Variants in NREP observed in about 807,000 individuals in gnomAD.
The protein encoded by NREP is neuronal regeneration-related protein.
A neutral mutation model predicts 8.6 loss-of-function variants in NREP; 5 were observed. The ratio of observed to expected loss-of-function variants is 0.58; its 90% confidence interval spans 0.30 to 1.22. NREP has a LOEUF of 1.22. NREP is among the 50% of genes most tolerant of loss of function. The pLI is 0.07. For synonymous variants in NREP, 27 were observed against 28.0 expected, an observed-to-expected ratio of 0.96 and a Z score of 0.11; for missense variants, 86 against 82.5, an observed-to-expected ratio of 1.04 and a Z score of -0.17.
intron 2 of NREP, among the ~76,000 whole-genome samples, chr5:111,878,751 C>T (rs1253469811): frequency 1.3e-5 from 2 of 152,180 alleles, no homozygotes; most frequent in African/African-American, 4.8e-5. Context: ...CACCCCCCTG[C>T]CACTTGAGCA....
Position 111,916,730 on chromosome 5 carries a change from G to A in NREP, c.135+58544C>T, listed in dbSNP as rs539367621. On this transcript the variant is annotated intron_variant, in intron 2 of 3. Coordinates refer to the NREP transcript ENST00000395634. ...ATAGTAGTAGTACCTACTTCACAGG[G>A]TTGTTTAAGGATTAAATGAGTTACT... 3.3e-5 allele frequency among the ~76,000 whole-genome samples: 5 copies of A among 152,192 alleles called. No individual in the cohort carries two copies. The South Asian group carries it at 1.0e-3, about 32-fold the overall frequency.
intron 2 of NREP, among the ~76,000 whole-genome samples, chr5:111,952,350 T>A (rs1435616671): frequency 1.3e-5 from 2 of 152,188 alleles, no homozygotes; most frequent in Non-Finnish European, 2.9e-5. Flanking sequence ...AGGGTGATGT[T>A]CCCTGTCAAG....
intron 2 of NREP, among the ~76,000 whole-genome samples, chr5:111,897,764 C>G (rs1251278553): frequency 6.6e-6 from 1 of 152,008 alleles, no homozygotes; most frequent in Non-Finnish European, 1.5e-5. Flanking sequence ...CCAAATTTTT[C>G]ATTTTGTACT....
At chr5:111,773,055 A>G (rs1751273814) in intron 2 of NREP, among the ~76,000 whole-genome samples, 1 of 152,182 alleles carries the variant, frequency 6.6e-6, no homozygotes, top group Admixed American at 6.5e-5. Context: ...CATCATCTAT[A>G]TGTCTCTAGC....
chr5:111,901,595 A>T (rs1397654298), intron 2 of NREP, among the ~76,000 whole-genome samples: 3 of 152,148 alleles, frequency 2.0e-5, no homozygotes, highest in African/African-American at 2.4e-5. Flanking sequence ...TCTTAGAACT[A>T]GTCAACAAAT....
At chr5:111,742,439 T>G (rs1749741164) in intron 2 of NREP, among the ~76,000 whole-genome samples, 1 of 152,036 alleles carries the variant, frequency 6.6e-6, no homozygotes, top group South Asian at 2.1e-4. Context: ...AAAATGAAAG[T>G]GTTTACATGT....
intron 2 of NREP, among the ~76,000 whole-genome samples, chr5:111,855,238 C>T (rs576251771): frequency 6.6e-6 from 1 of 152,200 alleles, no homozygotes; most frequent in Non-Finnish European, 1.5e-5. Context: ...AACAGACTGC[C>T]TACCAACGCT....
At chr5:111,742,735 A>T (rs576277748) in intron 2 of NREP, among the ~76,000 whole-genome samples, 1 of 152,262 alleles carries the variant, frequency 6.6e-6, no homozygotes, top group Admixed American at 6.5e-5. Context: ...ATTCAAGCAT[A>T]GTGAACACGG....
chr5:111,900,974 A>G (rs1005439667), intron 2 of NREP, among the ~76,000 whole-genome samples: 1 of 152,206 alleles, frequency 6.6e-6, no homozygotes, highest in Non-Finnish European at 1.5e-5. Flanking sequence ...ACTGCATGCC[A>G]GTATTCCTGA....
At chr5:111,929,016 G>T (rs1179965774) in intron 2 of NREP, among the ~76,000 whole-genome samples, 1 of 152,020 alleles carries the variant, frequency 6.6e-6, no homozygotes, top group African/African-American at 2.4e-5. Context: ...AAATGTACTT[G>T]TTTTATATCT....
intron 2 of NREP, among the ~76,000 whole-genome samples, chr5:111,888,983 A>G (rs998986690): frequency 6.6e-6 from 1 of 152,244 alleles, no homozygotes. Context: ...AATGATGTCT[A>G]TGGTCTATGT....
intron 2 of NREP, chr5:111,939,920 T>A (rs76791647): frequency 1.3e-5 from 2 of 151,982 alleles, no homozygotes; most frequent in Non-Finnish European, 2.9e-5. Flanking sequence ...CAAGGTTATG[T>A]TTTGATCAGC....
intron 2 of NREP, among the ~76,000 whole-genome samples, chr5:111,766,307 A>T (rs182854351): frequency 8.5e-5 from 13 of 152,318 alleles, no homozygotes; most frequent in Non-Finnish European, 1.9e-4. Flanking sequence ...GACTGTTCAT[A>T]TTAAAAGTTG....
intron 2 of NREP, among the ~76,000 whole-genome samples, chr5:111,779,464 T>C (rs2112881494): frequency 6.6e-6 from 1 of 152,236 alleles, no homozygotes; most frequent in South Asian, 2.1e-4. Flanking sequence ...ACAATCTAAT[T>C]GGATTAGTTA....
chr5:111,772,310 G>A (rs965678708), intron 2 of NREP, among the ~76,000 whole-genome samples: 5 of 151,798 alleles, frequency 3.3e-5, no homozygotes, highest in African/African-American at 7.3e-5. Flanking sequence ...GAGAATAGAA[G>A]GTTTTTTGTT....
chr5:111,858,074 G>A (rs145178749), intron 2 of NREP, among the ~76,000 whole-genome samples: 18 of 152,202 alleles, frequency 1.2e-4, no homozygotes, highest in African/African-American at 4.1e-4. Flanking sequence ...AGGGAGCAAT[G>A]GTTCTCTGAG....
At chr5:111,764,532 T>A (rs904195170) in intron 2 of NREP, among the ~76,000 whole-genome samples, 1 of 152,192 alleles carries the variant, frequency 6.6e-6, no homozygotes, top group African/African-American at 2.4e-5. Context: ...TTGTGAGACT[T>A]ATTCACTATC....
chr5:111,802,558 T>C (rs1001375473), intron 2 of NREP, among the ~76,000 whole-genome samples: 2 of 152,190 alleles, frequency 1.3e-5, no homozygotes, highest in Non-Finnish European at 2.9e-5. Flanking sequence ...TAGATCAGCA[T>C]TGTATTTTTT....
chr5:111,816,097 A>G (rs953363582), intron 2 of NREP, among the ~76,000 whole-genome samples: 2 of 152,224 alleles, frequency 1.3e-5, no homozygotes, highest in African/African-American at 2.4e-5. Flanking sequence ...AACGCTAATG[A>G]AGAATTCTGT....
Sources: allele counts gnomAD v4.1 joint callset (sites outside exome capture counted in the v4.1 genomes callset), GRCh38; gene constraint gnomAD v4.1.1; transcripts MANE v1.5; gene names NCBI Gene and HGNC (gene_info 2026-07-23, HGNC 2026-07-21).